PSD2: variants seen among roughly 807,000 people sequenced by gnomAD.
PSD2 encodes pleckstrin and Sec7 domain containing 2, also known as PH and SEC7 domain-containing protein 2.
A neutral mutation model predicts 69.8 loss-of-function variants in PSD2; 38 were observed. The observed-to-expected ratio is 0.54, with a 90% CI of 0.42 to 0.71. PSD2 has a LOEUF of 0.71. Among genes scored for constraint, PSD2 ranks in the 30% least tolerant of loss-of-function variants. PSD2 has a pLI of 0.00. For synonymous variants in PSD2, 412 were observed against 423.0 expected (o/e 0.97, Z 0.32); for missense variants, 943 against 1,014.5 (o/e 0.93, Z 0.96).
chr5:139,836,734 G>T, intron 9 of PSD2, 77 bp from the exon 10 acceptor site: 1 of 1,335,330 alleles, frequency 7.5e-7, no homozygotes. Context: ...CTGGAGAGGA[G>T]GCTGGTGGGG....
In PSD2 at chr5:139,837,502, G is replaced by A. The variant is rs985011341; in HGVS notation, c.1666-123G>A. 1.3e-5 allele frequency: 14 copies of A among 1,062,300 alleles called. No individual in the cohort carries two copies. In the African/African-American group the frequency reaches 2.1e-4, roughly 16 times the overall value. The allele number at this position is 1,062,300 out of a possible 1,614,324, so 65.8% of individuals were successfully genotyped here. ...GAGGAGTACCTGGATTCTTGTTGGGGTGGGTGAGGCAGCAGGAACAGAAAA... is the reference window on the plus strand; with the variant it reads ...GAGGAGTACCTGGATTCTTGTTGGGATGGGTGAGGCAGCAGGAACAGAAAA... On this transcript the variant is annotated intron_variant, in intron 11 of 14. Transcript: ENST00000274710. This position sits in a 1 kb window ranked among gnomAD's most constrained non-coding sequence, Gnocchi z 5.0.
At chr5:139,759,851 T>A in the PSD2 span, among the ~76,000 whole-genome samples, 1 of 152,248 alleles carries the variant, frequency 6.6e-6, no homozygotes, top group African/African-American at 2.4e-5. Context: ...CTCAAGCCTG[T>A]CAGCCCTGCT....
chr5:139,765,651 G>A, the PSD2 span, among the ~76,000 whole-genome samples: 1 of 152,276 alleles, frequency 6.6e-6, no homozygotes, highest in Non-Finnish European at 1.5e-5. Flanking sequence ...AGAGCGAGTA[G>A]TCAGCAGGAG....
chr5:139,755,082 A>C, the PSD2 span, among the ~76,000 whole-genome samples: 2 of 152,216 alleles, frequency 1.3e-5, no homozygotes. Flanking sequence ...CCCATTTTAT[A>C]GACGAACAAA....
upstream of PSD2, among the ~76,000 whole-genome samples, chr5:139,792,232 T>C (rs1039414407): frequency 2.0e-5 from 3 of 152,156 alleles, no homozygotes; most frequent in Non-Finnish European, 4.4e-5. Flanking sequence ...TTGAGCTCTC[T>C]GGGATTGGCC....
the PSD2 span, among the ~76,000 whole-genome samples, chr5:139,744,310 T>C: frequency 3.8e-4 from 58 of 152,326 alleles, no homozygotes; most frequent in African/African-American, 1.4e-3. Flanking sequence ...GACCAGGGAA[T>C]GGTCTCCACT....
the PSD2 span, among the ~76,000 whole-genome samples, chr5:139,781,303 A>G: frequency 6.6e-6 from 1 of 151,810 alleles, no homozygotes; most frequent in Non-Finnish European, 1.5e-5. Flanking sequence ...GCTGTTCACC[A>G]TAGTCTCAGG....
the PSD2 span, among the ~76,000 whole-genome samples, chr5:139,780,625 G>A: frequency 1.3e-5 from 2 of 152,044 alleles, no homozygotes; most frequent in Non-Finnish European, 2.9e-5. Flanking sequence ...TGTATTTTTA[G>A]TAAAGACGGG....
chr5:139,815,885 T>A (rs1348752217), intron 4 of PSD2, among the ~76,000 whole-genome samples: 1 of 150,068 alleles, frequency 6.7e-6, no homozygotes, highest in Non-Finnish European at 1.5e-5. Context: ...TCCCAGCTAC[T>A]CGGGAGGCTG....
the PSD2 span, among the ~76,000 whole-genome samples, chr5:139,771,256 C>G: frequency 2.0e-5 from 3 of 152,256 alleles, no homozygotes; most frequent in Non-Finnish European, 4.4e-5. Flanking sequence ...AATTGCGGGC[C>G]TGGGGACCCG....
chr5:139,766,837 T>TTCTTTCTC, the PSD2 span, among the ~76,000 whole-genome samples: 13 of 32,832 alleles, frequency 4.0e-4, 1 homozygote, highest in Non-Finnish European at 1.2e-3. Context: ...CCTTCTTTCT[T>TTCTTTCTC]TCTTTCTTTC....
Position 139,834,987 on chromosome 5 carries a change from C to T in PSD2, c.1360-736C>T, listed in dbSNP as rs112636461. Among the ~76,000 whole-genome samples, 809 of 151,574 alleles carry T rather than the reference C, an allele frequency of 5.3e-3. 4 individuals are homozygous for T. Among genetic ancestry groups the T allele is most frequent in the African/African-American group, 0.018 (760 of 41,242 alleles). On this transcript the variant is annotated intron_variant, in intron 8 of 14. Transcript: ENST00000274710. ...CCCTCCCTTCCCACTCCTCGCATAG[C>T]AACCACTCACCCATTCACCCGTCAC...
intron 14 of PSD2, among the ~76,000 whole-genome samples, 182 bp from the exon 15 acceptor site, chr5:139,842,089 A>T (rs1448080521): frequency 6.6e-6 from 1 of 152,186 alleles, no homozygotes; most frequent in Non-Finnish European, 1.5e-5. Flanking sequence ...TGGATTTTTC[A>T]AATTATGAAT....
intron 6 of PSD2, among the ~76,000 whole-genome samples, chr5:139,822,392 GC>G (rs1561601443): frequency 6.6e-6 from 1 of 152,214 alleles, no homozygotes; most frequent in African/African-American, 2.4e-5. Context: ...AGGGGACAAG[GC>G]CCATTATTGG....
At chr5:139,772,791 G>A in the PSD2 span, 1 of 152,330 alleles carries the variant, frequency 6.6e-6, no homozygotes, top group East Asian at 1.9e-4. Context: ...CTGCACAGCA[G>A]GTAATAGGTG....
the PSD2 span, among the ~76,000 whole-genome samples, chr5:139,789,710 C>G: frequency 1.1e-3 from 168 of 152,270 alleles, 1 homozygote; most frequent in Middle Eastern, 3.4e-3. Flanking sequence ...TGGGAATCTA[C>G]AAGGGAGAGA....
the PSD2 span, among the ~76,000 whole-genome samples, chr5:139,769,845 G>A: frequency 1.3e-5 from 2 of 152,278 alleles, no homozygotes; most frequent in East Asian, 1.9e-4. Context: ...CGGTGAGGGT[G>A]GAGGTGGGGC....
rs142488182 is a variant in PSD2, at chr5:139,798,592, C to T, written c.-51+2617C>T. On this transcript the variant is annotated intron_variant, in intron 1 of 14. Coordinates refer to ENST00000274710, the MANE Select transcript of PSD2 (RefSeq NM_032289.4). ...TGATAGTATAGTGAACACCCACCTA[C>T]ATACCCTTCACCTAGAGACCTAGAT... 4.6e-5 allele frequency among the ~76,000 whole-genome samples: 7 copies of T among 152,386 alleles called. No individual in the cohort carries two copies. In the East Asian group the frequency reaches 1.2e-3, roughly 25 times the overall value.
chr5:139,806,053 A>G (rs1446333753), intron 1 of PSD2, among the ~76,000 whole-genome samples: 1 of 152,198 alleles, frequency 6.6e-6, no homozygotes, highest in Non-Finnish European at 1.5e-5. Flanking sequence ...GGGTTCCACT[A>G]TCATTATAGG....
Sources: allele counts gnomAD v4.1 joint callset (sites outside exome capture counted in the v4.1 genomes callset), GRCh38; gene constraint gnomAD v4.1.1; non-coding constraint Gnocchi (gnomAD v3.1); transcripts MANE v1.5; gene names NCBI Gene and HGNC (gene_info 2026-07-23, HGNC 2026-07-21).